Variants in RNF13 observed in about 807,000 individuals in gnomAD.
The protein encoded by RNF13 is ring finger protein 13.
Under a neutral mutation model 37.7 loss-of-function variants are expected in RNF13, and 19 were observed. The observed-to-expected ratio is 0.50, with a 90% confidence interval of 0.35 to 0.74. The LOEUF is 0.74. RNF13 is among the 30% of genes least tolerant of loss of function. The pLI, the probability that RNF13 is intolerant of heterozygous loss-of-function variation, is 0.01. For missense variants in RNF13, 375 were observed against 453.0 expected (o/e 0.83, Z 1.56); for synonymous variants, 144 against 157.8 (o/e 0.91, Z 0.65).
At chr3:149,915,889 A>G (rs752037455) in intron 7 of RNF13, among the ~76,000 whole-genome samples, 1 of 152,228 alleles carries the variant, frequency 6.6e-6, no homozygotes, top group African/African-American at 2.4e-5. Flanking sequence ...TTTCAGCTTA[A>G]TAAGATGAAG....
intron 3 of RNF13, among the ~76,000 whole-genome samples, chr3:149,859,125 G>T (rs1257898534): frequency 2.0e-5 from 3 of 152,142 alleles, no homozygotes; most frequent in Admixed American, 6.6e-5. Flanking sequence ...GGCTCAATGT[G>T]CTGGACTTCC....
chr3:149,936,295 C>A (rs1719666429), intron 8 of RNF13, among the ~76,000 whole-genome samples: 2 of 151,988 alleles, frequency 1.3e-5, no homozygotes, highest in Admixed American at 1.3e-4. Flanking sequence ...GGAAAGTTTT[C>A]TGTTATTATT....
chr3:149,957,072 A>G (rs1721937606), intron 8 of RNF13, among the ~76,000 whole-genome samples: 2 of 152,202 alleles, frequency 1.3e-5, no homozygotes, highest in African/African-American at 4.8e-5. Flanking sequence ...TTATAATACT[A>G]CCAGAGCCAG....
intron 4 of RNF13, among the ~76,000 whole-genome samples, chr3:149,890,130 A>G (rs1395343339): frequency 6.6e-6 from 1 of 152,206 alleles, no homozygotes; most frequent in Non-Finnish European, 1.5e-5. Context: ...GCATTCTCCA[A>G]GTTCCCTAAG....
chr3:149,815,792 C>G (rs1719381332), intron 1 of RNF13, among the ~76,000 whole-genome samples: 1 of 152,162 alleles, frequency 6.6e-6, no homozygotes, highest in Non-Finnish European at 1.5e-5. Context: ...AACAACAAAA[C>G]AGTAATGTAG....
intron 7 of RNF13, among the ~76,000 whole-genome samples, chr3:149,920,805 T>C (rs1718043107): frequency 6.6e-6 from 1 of 150,860 alleles, no homozygotes; most frequent in Non-Finnish European, 1.5e-5. Flanking sequence ...TTTTTTTTTT[T>C]TTTTACCCAT....
chr3:149,925,831 A>G (rs1718580665), intron 8 of RNF13, among the ~76,000 whole-genome samples: 1 of 152,194 alleles, frequency 6.6e-6, no homozygotes, highest in Non-Finnish European at 1.5e-5. Context: ...TACTCTCACC[A>G]ACAGTCTATA....
At chr3:149,835,414 C>T (rs1311849173) in intron 1 of RNF13, among the ~76,000 whole-genome samples, 1 of 151,950 alleles carries the variant, frequency 6.6e-6, no homozygotes, top group African/African-American at 2.4e-5. Context: ...CAGTATACAC[C>T]TTCACCCCCT....
chr3:149,923,361 A>T (rs1375277233), intron 8 of RNF13, among the ~76,000 whole-genome samples: 1 of 152,164 alleles, frequency 6.6e-6, no homozygotes, highest in African/African-American at 2.4e-5. Context: ...TGTAGCTAAG[A>T]CTATAGGCAT....
In RNF13 at chr3:149,961,048, G is replaced by A. The variant is rs865931642; in HGVS notation, c.1090G>A (p.Val364Met). ...AENEINEHDV[V>M]VQLQPNGERD... ...AAATGAAATTAATGAACATGATGTC[G>A]TGGTCCAGTTGCAGCCTAATGGTGA... Residue 364 changes from valine (V) to methionine (M), a missense_variant, in exon 10 of 10, where the codon GTG becomes ATG. Val to Met is a conservative substitution (Grantham distance 21). Transcript: ENST00000392894. 1.4e-5 allele frequency: 22 copies of A among 1,613,872 alleles called. No homozygotes were observed. The Middle Eastern group carries it at 1.8e-3, about 133-fold the overall frequency.
chr3:149,933,559 A>G (rs1719372874), intron 8 of RNF13, among the ~76,000 whole-genome samples: 1 of 150,148 alleles, frequency 6.7e-6, no homozygotes, highest in African/African-American at 2.4e-5. Context: ...TTGCTATATT[A>G]GTTCTAACAG....
intron 4 of RNF13, among the ~76,000 whole-genome samples, chr3:149,893,519 A>G (rs1714933787): frequency 6.6e-6 from 1 of 152,254 alleles, no homozygotes; most frequent in Non-Finnish European, 1.5e-5. Context: ...AGCATCAGAT[A>G]AACTAATAGT....
rs202104965 is a variant in RNF13 at position 149,956,151 on chromosome 3, C to T, written c.701-3905C>T. ...TCATAAGGAGGTCAAATTTTATTCTCAGGGAAGCCATTTAAATTAGAATGG... is the reference window on the plus strand; with the variant it reads ...TCATAAGGAGGTCAAATTTTATTCTTAGGGAAGCCATTTAAATTAGAATGG... On this transcript the variant is annotated intron_variant, in intron 8 of 9. Transcript: ENST00000392894. 3.9e-5 allele frequency among the ~76,000 whole-genome samples: 6 copies of T among 152,150 alleles called. No homozygotes were observed. In the East Asian group the frequency reaches 1.2e-3, roughly 29 times the overall value.
intron 3 of RNF13, among the ~76,000 whole-genome samples, chr3:149,855,833 G>A (rs1038705): frequency 0.98 from 148,810 of 152,218 alleles, 72,771 homozygotes; most frequent in East Asian, 1. Flanking sequence ...GGATATTATC[G>A]GTCTTTCTAA....
intron 8 of RNF13, among the ~76,000 whole-genome samples, chr3:149,946,212 A>T (rs1217158268): frequency 6.6e-6 from 1 of 152,226 alleles, no homozygotes; most frequent in African/African-American, 2.4e-5. Flanking sequence ...CAGTGTAGCA[A>T]AGTCCTTAAA....
Position 149,961,421 on chromosome 3 carries a change from GT to G in RNF13, c.*321del. 4.1e-6 allele frequency: 2 copies of G among 485,264 alleles called. No homozygotes were observed. Among genetic ancestry groups the G allele is most frequent in the South Asian group, 3.3e-5 (2 of 61,106 alleles). The allele number at this position is 485,264 out of a possible 1,614,324, so 30.1% of individuals were successfully genotyped here. A position where few individuals can be genotyped will look rare whatever the true frequency, so the allele number is the denominator to read the frequency against. On this transcript the variant is annotated 3_prime_UTR_variant, in exon 10 of 10. Coordinates refer to ENST00000392894, the MANE Select transcript of RNF13 (RefSeq NM_183381.3). ...AAGACCTAGATCACAGTATTTAAGT[GT>G]TTTGCGTTTTATACATGAGGTCAGT...
At chr3:149,835,961 C>G (rs543405719) in intron 1 of RNF13, among the ~76,000 whole-genome samples, 45 of 152,048 alleles carry the variant, frequency 3.0e-4, no homozygotes, top group Non-Finnish European at 5.6e-4. Context: ...TTTAAGGAAT[C>G]TCCACATTGT....
chr3:149,854,158 C>G (rs1354311785), intron 3 of RNF13, among the ~76,000 whole-genome samples: 2 of 151,862 alleles, frequency 1.3e-5, no homozygotes, highest in Non-Finnish European at 2.9e-5. Context: ...TAAGATACCA[C>G]AAACCTATTA....
At chr3:149,867,965 G>T (rs77140828) in intron 3 of RNF13, among the ~76,000 whole-genome samples, 4,686 of 151,600 alleles carry the variant, frequency 0.031, 266 homozygotes, top group African/African-American at 0.11. Context: ...TTACTATGAG[G>T]CTTACAAAGC....
Sources: gnomAD v4.1 joint callset for allele counts (sites outside exome capture counted in the v4.1 genomes callset) on GRCh38, gnomAD v4.1.1 for gene constraint, MANE v1.5 for transcripts, NCBI Gene and HGNC (gene_info 2026-07-23, HGNC 2026-07-21) for gene names.